CWC27: variants seen among roughly 807,000 people sequenced by gnomAD.
The protein encoded by CWC27 is CWC27 spliceosome associated cyclophilin.
Under a neutral mutation model 63.6 loss-of-function variants are expected in CWC27, and 47 were observed. That is an observed-to-expected ratio of 0.74 (90% CI 0.58 to 0.94). CWC27 has a LOEUF of 0.94. Ranked by LOEUF, CWC27 falls within the 40% of genes least tolerant of loss-of-function variation. CWC27 has a pLI of 0.00. For synonymous variants in CWC27, 175 were observed against 179.8 expected, an observed-to-expected ratio of 0.97 and a Z score of 0.22; for missense variants, 495 against 554.3, an observed-to-expected ratio of 0.89 and a Z score of 1.07.
intron 13 of CWC27, among the ~76,000 whole-genome samples, chr5:65,003,108 C>T (rs756143121): frequency 6.6e-6 from 1 of 152,152 alleles, no homozygotes; most frequent in Admixed American, 6.5e-5. Flanking sequence ...GCTATTTCTG[C>T]TCACTGTTTG....
chr5:64,841,356 C>T (rs1278386317), intron 10 of CWC27, among the ~76,000 whole-genome samples: 2 of 152,174 alleles, frequency 1.3e-5, no homozygotes. Flanking sequence ...GGGCAGATTG[C>T]TCATGGCCTA....
At chr5:64,937,415 C>CT in intron 11 of CWC27, among the ~76,000 whole-genome samples, 1 of 152,166 alleles carries the variant, frequency 6.6e-6, no homozygotes, top group East Asian at 1.9e-4. Flanking sequence ...TTTTGAGTGA[C>CT]TTTCTTAATC....
At chr5:65,004,534 TTC>T (rs1383499341) in intron 13 of CWC27, among the ~76,000 whole-genome samples, 2 of 151,236 alleles carry the variant, frequency 1.3e-5, no homozygotes, top group Admixed American at 6.6e-5. Flanking sequence ...GTTTTAGACT[TTC>T]TGTTTGATAC....
intron 1 of CWC27, among the ~76,000 whole-genome samples, chr5:64,769,788 C>T (rs1298661809): frequency 6.6e-6 from 1 of 152,150 alleles, no homozygotes; most frequent in Non-Finnish European, 1.5e-5. Flanking sequence ...ATCTTTTGAG[C>T]TGGTTTTAAA....
chr5:64,976,058 ACT>A (rs1749223315), intron 12 of CWC27, among the ~76,000 whole-genome samples: 2 of 152,086 alleles, frequency 1.3e-5, no homozygotes, highest in Non-Finnish European at 2.9e-5. Context: ...TCACAGCGAG[ACT>A]CTGTCTCAAA....
intron 11 of CWC27, among the ~76,000 whole-genome samples, chr5:64,897,819 C>T (rs1318015061): frequency 6.6e-6 from 1 of 152,112 alleles, no homozygotes; most frequent in Non-Finnish European, 1.5e-5. Flanking sequence ...CCACATAACA[C>T]AGAAACTTCA....
chr5:64,979,885 G>GA (rs1749302739), intron 13 of CWC27, among the ~76,000 whole-genome samples: 1 of 148,692 alleles, frequency 6.7e-6, no homozygotes, highest in Non-Finnish European at 1.5e-5. Flanking sequence ...TATTCTATTC[G>GA]CATTTTTGGC....
At chr5:64,802,151 G>A (rs72756880) in intron 9 of CWC27, among the ~76,000 whole-genome samples, 2,239 of 152,324 alleles carry the variant, frequency 0.015, 38 homozygotes, top group South Asian at 0.06. Context: ...TCAGAGAATA[G>A]CATATGCTAA....
intron 10 of CWC27, among the ~76,000 whole-genome samples, chr5:64,882,028 T>C (rs541502283): frequency 6.6e-6 from 1 of 152,338 alleles, no homozygotes; most frequent in East Asian, 1.9e-4. Flanking sequence ...CCAGTTCCAT[T>C]TTTATGTCAT....
intron 10 of CWC27, among the ~76,000 whole-genome samples, chr5:64,878,503 A>T (rs10079956): frequency 1.5e-5 from 2 of 131,446 alleles, no homozygotes; most frequent in African/African-American, 5.5e-5. Context: ...AAAAAAAAGC[A>T]CCTGTTAGTG....
intron 13 of CWC27, among the ~76,000 whole-genome samples, chr5:64,984,125 A>G (rs573061527): frequency 1.3e-5 from 2 of 152,242 alleles, no homozygotes; most frequent in South Asian, 4.1e-4. Flanking sequence ...GAGCTACCAC[A>G]CCTGGCCTTT....
rs143898382 is a variant in CWC27 at position 65,010,790 on chromosome 5, A to G, written c.1257-7369A>G. ...TTCATATCATAAAGTTAGTAGTAGTAGAAATACCTTGTTTCAGCTGTTCGA... is the reference window on the plus strand; with the variant it reads ...TTCATATCATAAAGTTAGTAGTAGTGGAAATACCTTGTTTCAGCTGTTCGA... On this transcript the variant is annotated intron_variant, in intron 13 of 13. Coordinates refer to ENST00000381070, the MANE Select transcript of CWC27 (RefSeq NM_005869.4). Among the ~76,000 whole-genome samples the G allele has an allele frequency of 9.8e-5, 15 of 152,362 alleles. No individual in the cohort carries two copies. In the East Asian group the frequency reaches 2.9e-3, roughly 29 times the overall value.
intron 11 of CWC27, among the ~76,000 whole-genome samples, chr5:64,896,175 A>G (rs553852699): frequency 6.6e-6 from 1 of 152,240 alleles, no homozygotes; most frequent in Non-Finnish European, 1.5e-5. Flanking sequence ...TGATTTCTCA[A>G]CAGCAACAGG....
At chr5:64,841,334 A>T (rs760521390) in intron 10 of CWC27, among the ~76,000 whole-genome samples, 3 of 152,180 alleles carry the variant, frequency 2.0e-5, no homozygotes, top group Non-Finnish European at 4.4e-5. Context: ...AATGGCATTA[A>T]TCTACTCATG....
In CWC27 at chr5:64,800,314, C is replaced by G; in HGVS notation, c.736C>G (p.Pro246Ala). The G allele has an allele frequency of 6.2e-7, 1 of 1,609,470 alleles. No individual in the cohort carries two copies. Reference sequence around the variant, plus strand: ...GGATGATCCACATCTCAGTTCTGTTCCAGTTGTAGAAAGGTTAGTCCATTG... The same window carrying G: ...GGATGATCCACATCTCAGTTCTGTTGCAGTTGTAGAAAGGTTAGTCCATTG... Reference protein sequence around the residue: ...LKDDPHLSSVPVVESEKGDAP... With the variant: ...LKDDPHLSSVAVVESEKGDAP... The change falls in exon 8 of 14, where the codon CCA becomes GCA. Residue 246 changes from proline (P) to alanine (A), a missense_variant. Transcript: ENST00000381070.
At chr5:64,791,391 A>G (rs1018929314) in intron 7 of CWC27, among the ~76,000 whole-genome samples, 2 of 152,116 alleles carry the variant, frequency 1.3e-5, no homozygotes, top group African/African-American at 2.4e-5. Context: ...GTGAACTTAT[A>G]CTCCAAAAGC....
chr5:64,796,002 CGTGT>C (rs56699605), intron 7 of CWC27, among the ~76,000 whole-genome samples: 3,485 of 135,812 alleles, frequency 0.026, 52 homozygotes, highest in African/African-American at 0.054. Flanking sequence ...AGAAATTGTG[CGTGT>C]GTGTGTGTGT....
At chr5:64,835,922 GCAAT>G (rs1745648791) in intron 10 of CWC27, among the ~76,000 whole-genome samples, 1 of 151,726 alleles carries the variant, frequency 6.6e-6, no homozygotes, top group Non-Finnish European at 1.5e-5. Context: ...TGAAATGTGA[GCAAT>G]CAAACTGAAA....
At chr5:64,807,826 G>GT in intron 10 of CWC27, 1 of 1,531,154 alleles carries the variant, frequency 6.5e-7, no homozygotes. Context: ...TCTTCAACCC[G>GT]TATTTCTTTC....
Sources: gnomAD v4.1 joint callset for allele counts (sites outside exome capture counted in the v4.1 genomes callset) on GRCh38, gnomAD v4.1.1 for gene constraint, MANE v1.5 for transcripts, NCBI Gene and HGNC (gene_info 2026-07-23, HGNC 2026-07-21) for gene names.